Variants in SKOR2 observed in about 807,000 individuals in gnomAD.
SKOR2 encodes LBX1 corepressor 1-like protein.
Under a neutral mutation model 69.1 loss-of-function variants are expected in SKOR2, and 47 were observed. The ratio of observed to expected loss-of-function variants is 0.68; its 90% CI spans 0.54 to 0.87. The LOEUF is 0.87. Ranked by LOEUF, SKOR2 falls within the 40% of genes least tolerant of loss-of-function variation. SKOR2 has a pLI of 0.00. For missense variants in SKOR2, 1,404 were observed against 1,472.2 expected, an observed-to-expected ratio of 0.95 and a Z score of 0.76; for synonymous variants, 717 against 672.6, an observed-to-expected ratio of 1.07 and a Z score of -1.02.
chr18:47,239,554 A>G (rs974533392), intron 4 of SKOR2, among the ~76,000 whole-genome samples: 3 of 152,344 alleles, frequency 2.0e-5, no homozygotes, highest in Non-Finnish European at 4.4e-5. Flanking sequence ...CAGTAAATTA[A>G]ATATCTTTGA....
At chr18:47,218,194 A>C (rs939149051) in intron 7 of SKOR2, among the ~76,000 whole-genome samples, 1 of 152,150 alleles carries the variant, frequency 6.6e-6, no homozygotes, top group Admixed American at 6.6e-5. Context: ...TAAAAGAAAT[A>C]CTGTTTCCTT....
In SKOR2 at chr18:47,247,185, G is replaced by A; in HGVS notation, c.1999C>T (p.His667Tyr). 1.5e-6 allele frequency: 2 copies of A among 1,340,186 alleles called. No individual in the cohort carries two copies. The allele number at this position is 1,340,186 out of a possible 1,614,324, so 83.0% of individuals were successfully genotyped here. A position where few individuals can be genotyped will look rare whatever the true frequency, so the allele number is the denominator to read the frequency against. Reference protein sequence around the residue: ...HHHPHHHHHHHHPPQPPSPLL... With the variant: ...HHHPHHHHHHYHPPQPPSPLL... The stretch of plus-strand genomic sequence containing the variant: ...GGCGACGGCGGCTGCGGGGGGTGGT[G>A]GTGGTGGTGGTGGTGGTGAGGGTGG... The change falls in exon 2 of 9, where the codon CAC becomes TAC. Residue 667 changes from histidine to tyrosine, a missense_variant. Around this residue, in one of 3 missense-constraint regions of SKOR2, gnomAD observed 1,266 missense variants for 1,309.9 expected, o/e 0.97. Transcript: ENST00000425639. This position sits in a 1 kb window ranked among gnomAD's most constrained non-coding sequence, Gnocchi z 6.6.
chr18:47,209,990 T>C (rs2064123196), intron 8 of SKOR2, among the ~76,000 whole-genome samples: 3 of 151,944 alleles, frequency 2.0e-5, no homozygotes, highest in Admixed American at 1.3e-4. Context: ...GATAGGAGGA[T>C]GGCTCGAGCC....
In SKOR2 at chr18:47,244,974, T is replaced by C. The variant is rs1327634400; in HGVS notation, c.2686A>G (p.Lys896Glu). Residue 896 changes from lysine to glutamate, a missense_variant, in exon 4 of 9, where the codon AAG becomes GAG. Physicochemically the swap from Lys to Glu is moderately conservative, Grantham distance 56. This residue lies in a region of SKOR2 where 1,266 missense variants were observed against 1,309.9 expected (regional missense o/e 0.97). Coordinates refer to ENST00000425639, the MANE Select transcript of SKOR2 (RefSeq NM_001278063.4). ...KDDNSFSDKN[K>E]EHSFFITDSD... is the part of the protein sequence containing the mutation. ...TCTGTGATGAAAAAGCTATGCTCCT[T>C]GTTCTTATCTAGAACCAAAACAAAA... The C allele has an allele frequency of 4.6e-6, 7 of 1,535,240 alleles. No individual in the cohort carries two copies. Among genetic ancestry groups the C allele is most frequent in the Non-Finnish European group, 6.1e-6 (7 of 1,146,412 alleles).
chr18:47,247,996 C>T lies in SKOR2; in HGVS notation c.1188G>A (p.Gln396=), dbSNP rs1177254449. The T allele has an allele frequency of 1.1e-5, 16 of 1,422,076 alleles. No individual in the cohort carries two copies. The highest frequency in any genetic ancestry group is 7.3e-6 in the Non-Finnish European group (8 of 1,090,478). The allele number at this position is 1,422,076 out of a possible 1,614,324, so 88.1% of individuals were successfully genotyped here. ...PSKGSFGGVL[Q]KFPGCGGLFP... ...AGAGCCCGCCGCAGCCCGGGAACTT[C>T]TGCAGGACGCCCCCGAACGAGCCCT... Residue 396 remains glutamine, a synonymous_variant, in exon 2 of 9, where the codon CAG becomes CAA. Transcript: ENST00000425639. The surrounding 1 kb of genome is among the most constrained non-coding windows in gnomAD (Gnocchi z 6.6).
chr18:47,247,142 G>T lies in SKOR2; in HGVS notation c.2042C>A (p.Pro681Gln), dbSNP rs1186791504. The T allele has an allele frequency of 1.6e-6, 2 of 1,280,132 alleles. No homozygotes were observed. Among genetic ancestry groups the T allele is most frequent in the Non-Finnish European group, 2.0e-6 (2 of 1,020,140 alleles). 79.3% of individuals were successfully genotyped at this position (1,280,132 alleles called of 1,614,324 possible). Residue 681 changes from proline (P) to glutamine (Q), a missense_variant, in exon 2 of 9, where the codon CCG becomes CAG. Physicochemically the swap from Pro to Gln is moderately conservative, Grantham distance 76. Coordinates refer to ENST00000425639, the MANE Select transcript of SKOR2 (RefSeq NM_001278063.4). The surrounding 1 kb of genome is among the most constrained non-coding windows in gnomAD (Gnocchi z 6.6). The stretch of plus-strand genomic sequence containing the variant: ...CTCGGAACCCGGCTCGTCGGGCTGC[G>T]GGGGCAGCAGCAGAAGCGGCGACGG... ...QPPSPLLLLP[P>Q]QPDEPGSERH...
At chr18:47,251,081 G>A (rs530783849) in intron 1 of SKOR2, among the ~76,000 whole-genome samples, 175 of 143,702 alleles carry the variant, frequency 1.2e-3, no homozygotes, top group Non-Finnish European at 2.3e-3. Context: ...AGAAACTGCC[G>A]TCAGAGCAGA....
At chr18:47,219,601 T>C (rs578246474) in intron 7 of SKOR2, among the ~76,000 whole-genome samples, 118 of 152,280 alleles carry the variant, frequency 7.7e-4, no homozygotes, top group Non-Finnish European at 2.1e-4. Flanking sequence ...GAAGAGAGGA[T>C]GGAAGACAGT....
intron 6 of SKOR2, among the ~76,000 whole-genome samples, chr18:47,228,985 T>C (rs140828839): frequency 2.6e-5 from 4 of 152,296 alleles, no homozygotes; most frequent in African/African-American, 9.6e-5. Flanking sequence ...TTGCAGACCC[T>C]CCCATTCCTT....
chr18:47,221,903 C>T (rs892891982), intron 6 of SKOR2, among the ~76,000 whole-genome samples: 1 of 152,198 alleles, frequency 6.6e-6, no homozygotes, highest in African/African-American at 2.4e-5. Flanking sequence ...AATTATCCAC[C>T]AGCAGGTTGA....
chr18:47,246,873 C>G lies in SKOR2; in HGVS notation c.2311G>C (p.Glu771Gln). Residue 771 changes from glutamate (E) to glutamine (Q), a missense_variant, in exon 2 of 9, where the codon GAG becomes CAG. Physicochemically the swap from Glu to Gln is conservative, Grantham distance 29. Around this residue, in one of 3 missense-constraint regions of SKOR2, gnomAD observed 1,266 missense variants for 1,309.9 expected, o/e 0.97. Coordinates refer to ENST00000425639, the MANE Select transcript of SKOR2 (RefSeq NM_001278063.4). Reference protein sequence around the residue: ...RDPDDDEEEDEETEVLLGDPL... With the variant: ...RDPDDDEEEDQETEVLLGDPL... ...TCGCCGAGTAGGACCTCCGTCTCCT[C>G]GTCCTCTTCCTCGTCGTCGTCAGGG... is the stretch of plus-strand genomic sequence containing the variant. 1.3e-6 allele frequency: 2 copies of G among 1,492,682 alleles called. No individual in the cohort carries two copies. The highest frequency in any genetic ancestry group is 1.3e-5 in the South Asian group (1 of 78,852). The allele number at this position is 1,492,682 out of a possible 1,614,324, so 92.5% of individuals were successfully genotyped here. A position where few individuals can be genotyped will look rare whatever the true frequency, so the allele number is the denominator to read the frequency against.
In SKOR2 at chr18:47,244,801, GTTTT is replaced by G. The variant is rs1223686502; in HGVS notation, c.2752+103_2752+106del. 7.7e-6 allele frequency: 8 copies of G among 1,041,454 alleles called. No individual in the cohort carries two copies. In the African/African-American group the frequency reaches 1.1e-4, roughly 15 times the overall value. 64.5% of individuals were successfully genotyped at this position (1,041,454 alleles called of 1,614,324 possible). ...TTCTTAGTTATATCTACTAGGAATTGTTTTTTATTTTTACCCTTGTACTAAATAT... is the reference window on the plus strand; with the variant it reads ...TTCTTAGTTATATCTACTAGGAATTGTTATTTTTACCCTTGTACTAAATAT... On this transcript the variant is annotated intron_variant, in intron 4 of 8. Transcript: ENST00000425639.
In SKOR2 at chr18:47,246,891, C is replaced by T. The variant is rs577231668; in HGVS notation, c.2293G>A (p.Asp765Asn). 4.2e-5 allele frequency: 62 copies of T among 1,490,714 alleles called. No individual in the cohort carries two copies. Among genetic ancestry groups the T allele is most frequent in the Non-Finnish European group, 5.4e-5 (61 of 1,126,868 alleles). 92.3% of individuals were successfully genotyped at this position (1,490,714 alleles called of 1,614,324 possible). A position where few individuals can be genotyped will look rare whatever the true frequency, so the allele number is the denominator to read the frequency against. The change falls in exon 2 of 9, where the codon GAC (aspartate) becomes AAC (asparagine). Residue 765 changes from aspartate (D) to asparagine (N), a missense_variant. This residue lies in a region of SKOR2 where 1,266 missense variants were observed against 1,309.9 expected (regional missense o/e 0.97). Coordinates refer to ENST00000425639, the MANE Select transcript of SKOR2 (RefSeq NM_001278063.4). Reference sequence around the variant, plus strand: ...GTCTCCTCGTCCTCTTCCTCGTCGTCGTCAGGGTCTCGACCTTCCTCCTCT... The same window carrying T: ...GTCTCCTCGTCCTCTTCCTCGTCGTTGTCAGGGTCTCGACCTTCCTCCTCT... ...EEEEEGRDPD[D>N]DEEEDEETEV...
At chr18:47,228,530 G>T (rs926749948) in intron 6 of SKOR2, among the ~76,000 whole-genome samples, 1 of 152,156 alleles carries the variant, frequency 6.6e-6, no homozygotes, top group Non-Finnish European at 1.5e-5. Flanking sequence ...TTATTAATGG[G>T]ATGAATTATG....
At chr18:47,215,216 C>T (rs1475598899) in intron 7 of SKOR2, among the ~76,000 whole-genome samples, 1 of 152,132 alleles carries the variant, frequency 6.6e-6, no homozygotes, top group Non-Finnish European at 1.5e-5. Flanking sequence ...AAGGCAGCCT[C>T]CACAGAAGTT....
chr18:47,238,580 C>T (rs1241178949), intron 4 of SKOR2, among the ~76,000 whole-genome samples: 1 of 152,094 alleles, frequency 6.6e-6, no homozygotes, highest in East Asian at 1.9e-4. Flanking sequence ...GCCTCAGCCT[C>T]CCAAAGTGCT....
chr18:47,246,447 GAATATTTCATTTCTGTGGGGA>G, intron 2 of SKOR2, 103 bp downstream of exon 2: 1 of 1,281,754 alleles, frequency 7.8e-7, no homozygotes, highest in Non-Finnish European at 1.0e-6. Flanking sequence ...TAAACACACT[GAATATTTCATTTCTGTGGGGA>G]AATCTGGTGA....
intron 4 of SKOR2, 198 bp from the exon 5 acceptor site, chr18:47,231,198 G>A: frequency 2.0e-6 from 3 of 1,534,860 alleles, no homozygotes; most frequent in Non-Finnish European, 2.6e-6. Flanking sequence ...GAAAAGGAGG[G>A]CAGAGCCTGC....
At chr18:47,219,680 C>A (rs1182079651) in intron 7 of SKOR2, among the ~76,000 whole-genome samples, 1 of 152,108 alleles carries the variant, frequency 6.6e-6, no homozygotes, top group Non-Finnish European at 1.5e-5. Context: ...GAAGAAAATG[C>A]AGGTACCTTT....
Sources: gnomAD v4.1 joint callset for allele counts (sites outside exome capture counted in the v4.1 genomes callset) on GRCh38, gnomAD v4.1.1 for gene constraint, gnomAD v4.1.1 regional missense constraint, Gnocchi (gnomAD v3.1) non-coding constraint, MANE v1.5 for transcripts, NCBI Gene and HGNC (gene_info 2026-07-23, HGNC 2026-07-21) for gene names.